Variants in TOM1 observed in about 807,000 individuals in gnomAD.
TOM1 encodes target of Myb protein 1.
In TOM1, 38 loss-of-function variants were observed where a neutral mutation model predicts 61.3. That is an observed-to-expected ratio of 0.62 (90% CI 0.48 to 0.81). The LOEUF is 0.81. Ranked by LOEUF, TOM1 falls within the 40% of genes least tolerant of loss-of-function variation. The probability of loss-of-function intolerance (pLI) is 0.00; values close to 1 mark genes in which losing one functional copy is unlikely to be tolerated. For synonymous variants in TOM1, 270 were observed against 268.8 expected, an observed-to-expected ratio of 1.00 and a Z score of -0.04; for missense variants, 591 against 659.6, an observed-to-expected ratio of 0.90 and a Z score of 1.14.
rs544159650 is a variant in TOM1 at position 35,307,972 on chromosome 22, G to A, written c.52+7992G>A. On this transcript the variant is annotated intron_variant, in intron 1 of 14. Coordinates refer to ENST00000449058, the MANE Select transcript of TOM1 (RefSeq NM_005488.3). ...GATTAACATTTAAATCACCAGACCC[G>A]CGTAAAGCGTATTGCCCTCAATAAC... 6.6e-5 allele frequency among the ~76,000 whole-genome samples: 10 copies of A among 152,324 alleles called. No individual in the cohort carries two copies. In the South Asian group the frequency reaches 2.1e-3, roughly 32 times the overall value.
At chr22:35,327,050 G>A (rs550519981) in intron 6 of TOM1, among the ~76,000 whole-genome samples, 4 of 152,276 alleles carry the variant, frequency 2.6e-5, no homozygotes, top group East Asian at 1.9e-4. Flanking sequence ...AGATGGTAAC[G>A]GTTGGTAGCG....
intron 8 of TOM1, among the ~76,000 whole-genome samples, chr22:35,330,720 C>T (rs1928770092): frequency 6.6e-6 from 1 of 152,184 alleles, no homozygotes. Flanking sequence ...TGCCCAAGTC[C>T]AGCCCTGGGA....
At chr22:35,329,136 A>G (rs996668587) in intron 7 of TOM1, among the ~76,000 whole-genome samples, 5 of 152,150 alleles carry the variant, frequency 3.3e-5, no homozygotes. Flanking sequence ...TTGTATTATT[A>G]GTAGACACAG....
At chr22:35,320,997 A>AAAAAAAAAAAAAAC (rs1927722600) in intron 2 of TOM1, among the ~76,000 whole-genome samples, 3 of 150,658 alleles carry the variant, frequency 2.0e-5, no homozygotes, top group Admixed American at 6.6e-5. Context: ...GAAAAAAAAA[A>AAAAAAAAAAAAAAC]AAAACTTGAA....
chr22:35,345,867 C>T, intron 13 of TOM1, 83 bp downstream of exon 13: 1 of 1,414,320 alleles, frequency 7.1e-7, no homozygotes, highest in Non-Finnish European at 9.9e-7. Context: ...CCAGGGTAGA[C>T]TTATATAGCA....
intron 2 of TOM1, among the ~76,000 whole-genome samples, chr22:35,321,072 G>A (rs1281102447): frequency 6.6e-6 from 1 of 151,016 alleles, no homozygotes; most frequent in Non-Finnish European, 1.5e-5. Context: ...TATGCTAGCT[G>A]GGCTCAGGGA....
intron 1 of TOM1, among the ~76,000 whole-genome samples, chr22:35,313,935 C>A (rs562349672): frequency 6.6e-6 from 1 of 152,212 alleles, no homozygotes; most frequent in South Asian, 2.1e-4. Context: ...GCTCCGAGGT[C>A]GGGGAATCAG....
chr22:35,320,089 A>G (rs915100858), intron 2 of TOM1, among the ~76,000 whole-genome samples: 2 of 152,058 alleles, frequency 1.3e-5, no homozygotes, highest in Admixed American at 6.5e-5. Flanking sequence ...CAGTAGTGTG[A>G]TGGGCTCTAG....
At chr22:35,310,471 T>G (rs1262834755) in intron 1 of TOM1, among the ~76,000 whole-genome samples, 1 of 152,172 alleles carries the variant, frequency 6.6e-6, no homozygotes, top group Non-Finnish European at 1.5e-5. Context: ...GCAGGTGAAC[T>G]TCAACCCAGT....
At chr22:35,334,482 G>T in intron 11 of TOM1, 34 bp downstream of exon 11, 1 of 1,612,388 alleles carries the variant, frequency 6.2e-7, no homozygotes. Context: ...GTCCCCTGCA[G>T]TTCGGGTGGC....
In TOM1 at chr22:35,315,022, G is replaced by T. The variant is rs371317428; in HGVS notation, c.53-2855G>T. The stretch of plus-strand genomic sequence containing the variant: ...ATTATTATTGTGGAAGGGCATGCAG[G>T]CCAGGTCGAAGACTAGGGAGACACG... On this transcript the variant is annotated intron_variant, in intron 1 of 14. Transcript: ENST00000449058. Among the ~76,000 whole-genome samples, 8 of 152,330 alleles carry T rather than the reference G, an allele frequency of 5.3e-5. No individual in the cohort carries two copies. In the East Asian group the frequency reaches 1.3e-3, roughly 26 times the overall value.
chr22:35,318,568 C>T (rs1355980875), intron 2 of TOM1, among the ~76,000 whole-genome samples: 2 of 152,236 alleles, frequency 1.3e-5, no homozygotes, highest in Non-Finnish European at 2.9e-5. Flanking sequence ...GGGTCTTGGC[C>T]TCCAATGTCT....
rs758905614 is a variant in TOM1, at chr22:35,299,916, G to A, written c.-13G>A. 2.5e-6 allele frequency: 4 copies of A among 1,578,908 alleles called. No individual in the cohort carries two copies. The highest frequency in any genetic ancestry group is 3.6e-5 in the Admixed American group (2 of 55,578). ...GCTGATTCCCGGGGTTGGTGGCAGCGGCGGTAGCAGCAATGGACTTTCTCC... is the reference window on the plus strand; with the variant it reads ...GCTGATTCCCGGGGTTGGTGGCAGCAGCGGTAGCAGCAATGGACTTTCTCC... On this transcript the variant is annotated 5_prime_UTR_variant, in exon 1 of 15. Transcript: ENST00000449058.
chr22:35,307,051 C>G (rs959897157), intron 1 of TOM1, among the ~76,000 whole-genome samples: 9 of 152,010 alleles, frequency 5.9e-5, no homozygotes, highest in Non-Finnish European at 1.2e-4. Context: ...AAACCCAAAC[C>G]CTCAGTGTCT....
chr22:35,302,486 T>C (rs1925923098), intron 1 of TOM1, among the ~76,000 whole-genome samples: 1 of 151,756 alleles, frequency 6.6e-6, no homozygotes, highest in African/African-American at 2.4e-5. Context: ...ACAGGCACGC[T>C]CCGCCACACC....
intron 11 of TOM1, among the ~76,000 whole-genome samples, chr22:35,335,158 GT>G (rs1461903851): frequency 6.6e-6 from 1 of 152,156 alleles, no homozygotes; most frequent in East Asian, 1.9e-4. Flanking sequence ...TCTGCTTGAT[GT>G]TTTCTTCAGC....
rs201085718 is a variant in TOM1, at chr22:35,345,781, C to T, written c.1281C>T (p.Asp427=). The change falls in exon 13 of 15, where the codon GAC becomes GAT. Residue 427 remains aspartate (D), a synonymous_variant. Coordinates refer to ENST00000449058, the MANE Select transcript of TOM1 (RefSeq NM_005488.3). ...ACATCGAGCAGTGGCTGTCCACTGA[C>T]GTGGTATGTTGGGGCCCACTCCTCA... ...MEDIEQWLST[D]VGNDAEEPKG... is the part of the protein sequence containing the mutation. 218 of 1,613,872 alleles carry T rather than the reference C, an allele frequency of 1.4e-4. No individual in the cohort carries two copies. Among genetic ancestry groups the T allele is most frequent in the Middle Eastern group, 6.6e-4 (4 of 6,084 alleles).
intron 12 of TOM1, among the ~76,000 whole-genome samples, chr22:35,340,688 G>T (rs1319875268): frequency 1.3e-5 from 2 of 152,106 alleles, no homozygotes; most frequent in Admixed American, 1.3e-4. Context: ...TGGAGGTTGT[G>T]GTGAGCTGAG....
chr22:35,343,768 TAC>T (rs1264439066), intron 12 of TOM1, among the ~76,000 whole-genome samples: 1 of 71,614 alleles, frequency 1.4e-5, no homozygotes, highest in Non-Finnish European at 2.9e-5. Flanking sequence ...CACCTACACA[TAC>T]ACACCTACAC....
Sources: allele counts gnomAD v4.1 joint callset (sites outside exome capture counted in the v4.1 genomes callset), GRCh38; gene constraint gnomAD v4.1.1; transcripts MANE v1.5; gene names NCBI Gene and HGNC (gene_info 2026-07-23, HGNC 2026-07-21).